Variants in SLC38A3 observed in about 807,000 individuals in gnomAD.
SLC38A3 encodes the protein solute carrier family 38 member 3, also known as sodium-coupled neutral amino acid transporter 3.
SLC38A3 carries 17 observed loss-of-function variants against 59.5 expected under a neutral mutation model. The ratio of observed to expected loss-of-function variants is 0.29; its 90% CI spans 0.20 to 0.43. SLC38A3 has a LOEUF of 0.43. Ranked by LOEUF, SLC38A3 falls within the 20% of genes least tolerant of loss-of-function variation. SLC38A3 has a pLI of 1.00. For synonymous variants in SLC38A3, 238 were observed against 260.3 expected, an observed-to-expected ratio of 0.91 and a Z score of 0.82; for missense variants, 454 against 653.9, an observed-to-expected ratio of 0.69 and a Z score of 3.33.
rs1699858317 is a variant in SLC38A3 at position 50,218,701 on chromosome 3, C to T, written c.1145C>T (p.Pro382Leu). ...CTGACAGCAGTCACGCTCACAGTGC[C>T]CATCGTTCTGTTCCCGGTGAGCTGG... ...AVLTAVTLTVPIVLFPVRRAI... is the reference protein window; with the variant it reads ...AVLTAVTLTVLIVLFPVRRAI... The change falls in exon 13 of 16, where the codon CCC becomes CTC. Residue 382 changes from proline (P) to leucine (L), a missense_variant. Physicochemically the swap from Pro to Leu is moderately conservative, Grantham distance 98 (BLOSUM62 -3). Around this residue, in one of 3 missense-constraint regions of SLC38A3, gnomAD observed 390 missense variants for 557.9 expected, o/e 0.70. Coordinates refer to ENST00000614032, the MANE Select transcript of SLC38A3 (RefSeq NM_006841.6). This position sits in a 1 kb window ranked among gnomAD's most constrained non-coding sequence, Gnocchi z 5.8. 6.2e-7 allele frequency: 1 copy of T among 1,610,906 alleles called. No homozygotes were observed.
At chr3:50,213,602 C>G (rs1007269805) in intron 1 of SLC38A3, among the ~76,000 whole-genome samples, 10 of 152,220 alleles carry the variant, frequency 6.6e-5, no homozygotes, top group Admixed American at 1.3e-4. Context: ...GCCAGCAGTG[C>G]CCGCCGGGCG....
intron 1 of SLC38A3, among the ~76,000 whole-genome samples, chr3:50,212,103 A>G (rs913987303): frequency 2.6e-5 from 4 of 152,216 alleles, no homozygotes; most frequent in Non-Finnish European, 1.5e-5. Context: ...CCAGGCCCCA[A>G]AGGTCTAGGC....
chr3:50,211,531 G>C (rs370740145), intron 1 of SLC38A3, among the ~76,000 whole-genome samples: 2 of 149,868 alleles, frequency 1.3e-5, no homozygotes, highest in East Asian at 2.0e-4. Flanking sequence ...TACTGGCTTC[G>C]CACCTCCTCC....
rs377094408 is a variant in SLC38A3, at chr3:50,220,067, C to G, written c.1411-6C>G. On this transcript the variant is annotated splice_region_variant and splice_polypyrimidine_tract_variant and intron_variant, in intron 15 of 15. Transcript: ENST00000614032. ...TCGGACCTGACCCTGACTTCTGATTCCACAGGCCCTGTGTTTTGCTATGCT... is the reference window on the plus strand; with the variant it reads ...TCGGACCTGACCCTGACTTCTGATTGCACAGGCCCTGTGTTTTGCTATGCT... 41 of 1,604,462 alleles carry G rather than the reference C, an allele frequency of 2.6e-5. No homozygotes were observed. The highest frequency in any genetic ancestry group is 8.5e-5 in the Admixed American group (5 of 58,722).
At position 50,218,929 on chromosome 3, in the gene SLC38A3, G is replaced by A; in HGVS notation, c.1287G>A (p.Leu429=). The change falls in exon 14 of 16, where the codon CTG becomes CTA. Residue 429 remains leucine, a synonymous_variant. Transcript: ENST00000614032. This position sits in a 1 kb window ranked among gnomAD's most constrained non-coding sequence, Gnocchi z 5.8. The part of the protein sequence containing the change: ...NLLVIFAPNI[L]GIFGVIGATS... The stretch of plus-strand genomic sequence containing the variant: ...TGGTCATCTTTGCCCCCAACATCCT[G>A]GGCATCTTTGGGGTCATCGGTGAGG... 6.2e-7 allele frequency: 1 copy of A among 1,612,076 alleles called. No individual in the cohort carries two copies. Among genetic ancestry groups the A allele is most frequent in the African/African-American group, 1.3e-5 (1 of 75,024 alleles).
In SLC38A3 at chr3:50,218,757, G is replaced by A. The variant is rs1421248673; in HGVS notation, c.1161+40G>A. ...AGGTGGCTAGACTAGTGGCGGGAGG[G>A]GCTGATGGGGCCAACAGGCTGATGA... is the stretch of plus-strand genomic sequence containing the variant. On this transcript the variant is annotated intron_variant, in intron 13 of 15. Transcript: ENST00000614032. The surrounding 1 kb of genome is among the most constrained non-coding windows in gnomAD (Gnocchi z 5.8). 10 of 1,597,800 alleles carry A rather than the reference G, an allele frequency of 6.3e-6. No individual in the cohort carries two copies. Among genetic ancestry groups the A allele is most frequent in the South Asian group, 1.1e-5 (1 of 90,716 alleles).
intron 1 of SLC38A3, among the ~76,000 whole-genome samples, chr3:50,211,838 T>C (rs1699735364): frequency 6.6e-6 from 1 of 152,086 alleles, no homozygotes; most frequent in East Asian, 1.9e-4. Flanking sequence ...CCTGCTCTCC[T>C]CGGCCTCCCA....
At position 50,214,804 on chromosome 3, in the gene SLC38A3, C is replaced by A; in HGVS notation, c.299+36C>A. 3 of 1,395,992 alleles carry A rather than the reference C, an allele frequency of 2.1e-6. No individual in the cohort carries two copies. Among genetic ancestry groups the A allele is most frequent in the Non-Finnish European group, 2.0e-6 (2 of 1,002,668 alleles). The allele number at this position is 1,395,992 out of a possible 1,614,324, so 86.5% of individuals were successfully genotyped here. The stretch of plus-strand genomic sequence containing the variant: ...TCAGAGAAACTTCTAAAGATAGGGG[C>A]CCTAAGCAAGCCACCAATCATGACC... On this transcript the variant is annotated intron_variant, in intron 4 of 15. Transcript: ENST00000614032. The surrounding 1 kb of genome is among the most constrained non-coding windows in gnomAD (Gnocchi z 6.0).
In SLC38A3 at chr3:50,218,605, C is replaced by T. The variant is rs1368316485; in HGVS notation, c.1049C>T (p.Ser350Leu). The T allele has an allele frequency of 3.1e-6, 5 of 1,612,778 alleles. No individual in the cohort carries two copies. The highest frequency in any genetic ancestry group is 1.3e-5 in the African/African-American group (1 of 74,914). Residue 350 changes from serine to leucine, a missense_variant, in exon 13 of 16, where the codon TCG becomes TTG. This residue lies in a region of SLC38A3 where 390 missense variants were observed against 557.9 expected (regional missense o/e 0.70). Transcript: ENST00000614032. The surrounding 1 kb of genome is among the most constrained non-coding windows in gnomAD (Gnocchi z 5.8). ...GYLTFYNGVE[S>L]ELLHTYSKVD... ...CTGCCTGCCACAGACGGGGTGGAGT[C>T]GGAGCTGCTGCACACCTACAGCAAG...
Position 50,215,712 on chromosome 3 carries a change from G to A in SLC38A3, c.467-28G>A, listed in dbSNP as rs778189984. 2.6e-5 allele frequency: 41 copies of A among 1,604,220 alleles called. No individual in the cohort carries two copies. The highest frequency in any genetic ancestry group is 1.2e-4 in the African/African-American group (9 of 74,650). ...GCTGGCTGGTTGGGCTGACCTCAGC[G>A]CCTGCCTGCCCGCCCCTCTCCCCAC... On this transcript the variant is annotated intron_variant, in intron 6 of 15. Coordinates refer to ENST00000614032, the MANE Select transcript of SLC38A3 (RefSeq NM_006841.6). This position sits in a 1 kb window ranked among gnomAD's most constrained non-coding sequence, Gnocchi z 7.1.
Position 50,214,247 on chromosome 3 carries a change from CA to C in SLC38A3, c.51del (p.Lys17AsnfsTer87). 1 of 1,613,934 alleles carries C rather than the reference CA, an allele frequency of 6.2e-7. No individual in the cohort carries two copies. The highest frequency in any genetic ancestry group is 8.5e-7 in the Non-Finnish European group (1 of 1,179,846). On this transcript the variant is annotated frameshift_variant, in exon 2 of 16. Coordinates refer to ENST00000614032, the MANE Select transcript of SLC38A3 (RefSeq NM_006841.6). LOFTEE classifies it high-confidence loss of function. The surrounding 1 kb of genome is among the most constrained non-coding windows in gnomAD (Gnocchi z 6.0). ...TEMVELVPNG[K>X]HSEGLLPVIT... ...AGATGGTGGAGCTGGTGCCCAATGG[CA>C]AACACTCAGAGGGGCTGCTCCCGGT... is the stretch of plus-strand genomic sequence containing the variant.
rs370660645 is a variant in SLC38A3 at position 50,218,580 on chromosome 3, C to T, written c.1037-13C>T. 3.1e-6 allele frequency: 5 copies of T among 1,610,506 alleles called. No homozygotes were observed. Among genetic ancestry groups the T allele is most frequent in the Non-Finnish European group, 4.2e-6 (5 of 1,178,382 alleles). On this transcript the variant is annotated splice_polypyrimidine_tract_variant and intron_variant, in intron 12 of 15. Transcript: ENST00000614032. The surrounding 1 kb of genome is among the most constrained non-coding windows in gnomAD (Gnocchi z 5.8). Reference sequence around the variant, plus strand: ...TGGGGCCACCTACTGACCACCCTCCCTGCCTGCCACAGACGGGGTGGAGTC... The same window carrying T: ...TGGGGCCACCTACTGACCACCCTCCTTGCCTGCCACAGACGGGGTGGAGTC...
intron 7 of SLC38A3, among the ~76,000 whole-genome samples, chr3:50,216,419 C>A (rs1463044582): frequency 1.3e-5 from 2 of 152,222 alleles, no homozygotes; most frequent in Non-Finnish European, 2.9e-5. Context: ...TGAGGATGGT[C>A]CTGGCCCTTA....
chr3:50,219,648 T>C (rs1462961567), intron 14 of SLC38A3, among the ~76,000 whole-genome samples: 1 of 152,218 alleles, frequency 6.6e-6, no homozygotes, highest in Non-Finnish European at 1.5e-5. Flanking sequence ...CCTTTCCTCA[T>C]TGCTAGCTTC....
At position 50,214,940 on chromosome 3, in the gene SLC38A3, T is replaced by C. The variant is rs2109154826; in HGVS notation, c.299+172T>C. On this transcript the variant is annotated intron_variant, in intron 4 of 15. Transcript: ENST00000614032. The surrounding 1 kb of genome is among the most constrained non-coding windows in gnomAD (Gnocchi z 6.0). ...ACATCCACAGCCAAACAAATATACC[T>C]CACTGCCCAGTAAACCGACTGAGGT... 1.6e-6 allele frequency: 1 copy of C among 629,826 alleles called. No homozygotes were observed. The highest frequency in any genetic ancestry group is 2.7e-5 in the East Asian group (1 of 36,462). 39.0% of individuals were successfully genotyped at this position (629,826 alleles called of 1,614,324 possible). A position where few individuals can be genotyped will look rare whatever the true frequency, so the allele number is the denominator to read the frequency against.
In SLC38A3 at chr3:50,218,374, C is replaced by A. The variant is rs373399112; in HGVS notation, c.1036+4C>A. The A allele has an allele frequency of 1.5e-5, 24 of 1,588,988 alleles. No homozygotes were observed. The highest frequency in any genetic ancestry group is 4.4e-5 in the South Asian group (4 of 90,558). On this transcript the variant is annotated splice_donor_region_variant and intron_variant, in intron 12 of 15. Coordinates refer to ENST00000614032, the MANE Select transcript of SLC38A3 (RefSeq NM_006841.6). This position sits in a 1 kb window ranked among gnomAD's most constrained non-coding sequence, Gnocchi z 5.8. ...TTCGGCTACCTCACCTTCTACAGTA[C>A]GGTGGCACCGGTGGGCAGAGGCCTA... is the stretch of plus-strand genomic sequence containing the variant.
At chr3:50,206,250 T>C (rs1699646862) in intron 1 of SLC38A3, among the ~76,000 whole-genome samples, 1 of 152,272 alleles carries the variant, frequency 6.6e-6, no homozygotes. Flanking sequence ...AGTCCAGGTA[T>C]GGGCTCTCAA....
rs751845991 is a variant in SLC38A3, at chr3:50,214,344, G to A, written c.101+44G>A. ...CAGTGGTGGCTGAAGACAGGGCAGG[G>A]CAGGGATACAGAGCAAAGGGCTGGA... On this transcript the variant is annotated intron_variant, in intron 2 of 15. Transcript: ENST00000614032. This position sits in a 1 kb window ranked among gnomAD's most constrained non-coding sequence, Gnocchi z 6.0. 9 of 1,609,884 alleles carry A rather than the reference G, an allele frequency of 5.6e-6. No homozygotes were observed. The East Asian group carries it at 2.0e-4, about 36-fold the overall frequency.
At chr3:50,208,305 C>G (rs1699673426) in intron 1 of SLC38A3, among the ~76,000 whole-genome samples, 1 of 150,176 alleles carries the variant, frequency 6.7e-6, no homozygotes, top group Admixed American at 6.7e-5. Flanking sequence ...CTGTGTTACC[C>G]AGGCTGGAGT....
Sources: gnomAD v4.1 joint callset for allele counts (sites outside exome capture counted in the v4.1 genomes callset) on GRCh38, gnomAD v4.1.1 for gene constraint, gnomAD v4.1.1 regional missense constraint, Gnocchi (gnomAD v3.1) non-coding constraint, MANE v1.5 for transcripts, NCBI Gene and HGNC (gene_info 2026-07-23, HGNC 2026-07-21) for gene names.